The following PDZRN3 variants were observed in gnomAD, a reference collection of about 807,000 sequenced individuals.
The protein encoded by PDZRN3 is E3 ubiquitin-protein ligase PDZRN3.
Under a neutral mutation model 85.7 loss-of-function variants are expected in PDZRN3, and 38 were observed. That is an observed-to-expected ratio of 0.44 (90% CI 0.34 to 0.58). The LOEUF (loss-of-function observed/expected upper bound fraction) is 0.58, where lower values mean the gene tolerates loss of function less well. Ranked by LOEUF, PDZRN3 falls within the 20% of genes least tolerant of loss-of-function variation. The probability of loss-of-function intolerance (pLI) is 0.01; values close to 1 mark genes in which losing one functional copy is unlikely to be tolerated. For missense variants in PDZRN3, 1,629 were observed against 1,506.4 expected (o/e 1.08, Z -1.35); for synonymous variants, 759 against 638.0 (o/e 1.19, Z -2.86).
intron 3 of PDZRN3, among the ~76,000 whole-genome samples, chr3:73,540,477 G>A (rs1691459354): frequency 6.6e-6 from 1 of 152,134 alleles, no homozygotes; most frequent in Non-Finnish European, 1.5e-5. Context: ...TTAAATTATG[G>A]TTCCCATCAT....
intron 3 of PDZRN3, among the ~76,000 whole-genome samples, chr3:73,447,999 A>C (rs910713937): frequency 1.3e-5 from 2 of 152,230 alleles, no homozygotes; most frequent in Admixed American, 6.5e-5. Flanking sequence ...TAAGGATCAT[A>C]TCTAGCACAC....
At chr3:73,390,906 T>G (rs1189913141) in intron 6 of PDZRN3, 112 bp downstream of exon 6, 1 of 700,742 alleles carries the variant, frequency 1.4e-6, no homozygotes, top group African/African-American at 1.8e-5. Flanking sequence ...ACAGAATAAT[T>G]TGTGTCTTTC....
chr3:73,445,255 G>T (rs968548479), intron 3 of PDZRN3, among the ~76,000 whole-genome samples: 4 of 152,144 alleles, frequency 2.6e-5, no homozygotes, highest in South Asian at 2.1e-4. Flanking sequence ...ACATGCCCTC[G>T]TAGTAGATGG....
chr3:73,624,120 C>A lies in PDZRN3; in HGVS notation c.706G>T (p.Ala236Ser), dbSNP rs1702919874. The A allele has an allele frequency of 6.8e-7, 1 of 1,465,802 alleles. No homozygotes were observed. The highest frequency in any genetic ancestry group is 3.0e-5 in the East Asian group (1 of 33,744). The allele number at this position is 1,465,802 out of a possible 1,614,324, so 90.8% of individuals were successfully genotyped here. A position where few individuals can be genotyped will look rare whatever the true frequency, so the allele number is the denominator to read the frequency against. Residue 236 changes from alanine (A) to serine (S), a missense_variant, in exon 1 of 10, where the codon GCG becomes TCG. Physicochemically the swap from Ala to Ser is moderately conservative, Grantham distance 99. Coordinates refer to ENST00000263666, the MANE Select transcript of PDZRN3 (RefSeq NM_015009.3). The stretch of plus-strand genomic sequence containing the variant: ...GCGCCTACCTTGCCGCCGGGCGGCG[C>A]GGCCACGCAGCGGCTGAGCGAGTCG... ...RLDSLSRCVAAPPGGKGEETK... is the reference protein window; with the variant it reads ...RLDSLSRCVASPPGGKGEETK...
chr3:73,624,417 G>C lies in PDZRN3; in HGVS notation c.409C>G (p.Arg137Gly), dbSNP rs1393954953. 5.4e-6 allele frequency: 7 copies of C among 1,300,662 alleles called. No individual in the cohort carries two copies. In the African/African-American group the frequency reaches 7.8e-5, roughly 14 times the overall value. The allele number at this position is 1,300,662 out of a possible 1,614,324, so 80.6% of individuals were successfully genotyped here. Residue 137 changes from arginine to glycine, a missense_variant, in exon 1 of 10, where the codon CGG (arginine) becomes GGG (glycine). Coordinates refer to ENST00000263666, the MANE Select transcript of PDZRN3 (RefSeq NM_015009.3). ...CCCTCCTGGCAGCGGCCCACTGGCC[G>C]CGCGTCGCAGGCGTCGCGCATGTGC... ...EAHMRDACDA[R>G]PVGRCQEGCG...
intron 3 of PDZRN3, among the ~76,000 whole-genome samples, chr3:73,475,749 G>A (rs1277780429): frequency 6.6e-6 from 1 of 152,184 alleles, no homozygotes; most frequent in African/African-American, 2.4e-5. Flanking sequence ...ACTGTAAGAT[G>A]AGCCATGCCC....
chr3:73,399,311 CTGTT>C (rs1028505152), intron 5 of PDZRN3, among the ~76,000 whole-genome samples: 6 of 152,170 alleles, frequency 3.9e-5, no homozygotes, highest in Non-Finnish European at 8.8e-5. Flanking sequence ...AAATAGCCCT[CTGTT>C]TGGAGAGCAG....
chr3:73,530,977 G>T (rs376242146), intron 3 of PDZRN3, among the ~76,000 whole-genome samples: 3 of 152,026 alleles, frequency 2.0e-5, no homozygotes. Context: ...CTGGCCAGGC[G>T]TGGTGGCTCA....
chr3:73,515,803 T>G (rs2106717452), intron 3 of PDZRN3, among the ~76,000 whole-genome samples: 1 of 152,328 alleles, frequency 6.6e-6, no homozygotes, highest in South Asian at 2.1e-4. Flanking sequence ...TTCAATCAAA[T>G]TTTAATTTAA....
At chr3:73,540,409 T>C (rs1323189292) in intron 3 of PDZRN3, among the ~76,000 whole-genome samples, 1 of 152,194 alleles carries the variant, frequency 6.6e-6, no homozygotes, top group Admixed American at 6.6e-5. Context: ...ATTGGACATA[T>C]GTAGTATTTT....
chr3:73,443,841 T>C (rs907679173), intron 3 of PDZRN3, among the ~76,000 whole-genome samples: 7 of 152,112 alleles, frequency 4.6e-5, no homozygotes, highest in Non-Finnish European at 8.8e-5. Flanking sequence ...TAAAGTACTT[T>C]TGAAATAAAA....
Position 73,624,285 on chromosome 3 carries a change from G to A in PDZRN3, c.541C>T (p.His181Tyr). The change falls in exon 1 of 10, where the codon CAC (histidine) becomes TAC (tyrosine). Residue 181 changes from histidine to tyrosine, a missense_variant. Transcript: ENST00000263666. ...GALQARLGALHKALKKEALRA... is the reference protein window; with the variant it reads ...GALQARLGALYKALKKEALRA... ...AGCGCCTCCTTCTTGAGCGCCTTGT[G>A]CAGCGCGCCCAGGCGGGCCTGGAGC... is the stretch of plus-strand genomic sequence containing the variant. 7.3e-7 allele frequency: 1 copy of A among 1,378,708 alleles called. No homozygotes were observed. The highest frequency in any genetic ancestry group is 9.3e-7 in the Non-Finnish European group (1 of 1,074,556). The allele number at this position is 1,378,708 out of a possible 1,614,324, so 85.4% of individuals were successfully genotyped here. A position where few individuals can be genotyped will look rare whatever the true frequency, so the allele number is the denominator to read the frequency against.
intron 3 of PDZRN3, among the ~76,000 whole-genome samples, chr3:73,434,386 TATA>T (rs1181942225): frequency 1.3e-5 from 2 of 152,342 alleles, no homozygotes; most frequent in African/African-American, 4.8e-5. Context: ...ATAATGTTCA[TATA>T]ATATTTAGTG....
At position 73,513,025 on chromosome 3, in the gene PDZRN3, C is replaced by A. The variant is rs2241513; in HGVS notation, c.918+89329G>T. On this transcript the variant is annotated intron_variant, in intron 3 of 9. Transcript: ENST00000263666. ...CACACACACACAAAGAAGAAAGAAT[C>A]GGGTACCAAGGGCCAGTTCCCAGGT... 1.9e-3 allele frequency among the ~76,000 whole-genome samples: 289 copies of A among 152,146 alleles called. 4 individuals carry two copies. The East Asian group carries it at 0.034, about 18-fold the overall frequency.
intron 3 of PDZRN3, among the ~76,000 whole-genome samples, chr3:73,580,371 A>G (rs1370970297): frequency 6.6e-6 from 1 of 152,214 alleles, no homozygotes; most frequent in East Asian, 1.9e-4. Context: ...AAAGAATCTG[A>G]GCTGAGAGAT....
At chr3:73,502,813 T>C (rs1704006077) in intron 3 of PDZRN3, among the ~76,000 whole-genome samples, 1 of 152,196 alleles carries the variant, frequency 6.6e-6, no homozygotes, top group African/African-American at 2.4e-5. Context: ...CCTGGTATCA[T>C]TGAGACTGCA....
At chr3:73,425,701 C>T (rs1405660327) in intron 3 of PDZRN3, among the ~76,000 whole-genome samples, 2 of 151,952 alleles carry the variant, frequency 1.3e-5, no homozygotes, top group Non-Finnish European at 2.9e-5. Context: ...CGCAGACAGA[C>T]TCATTTAGGG....
At chr3:73,607,494 C>T (rs954001765) in intron 2 of PDZRN3, among the ~76,000 whole-genome samples, 1 of 152,162 alleles carries the variant, frequency 6.6e-6, no homozygotes, top group African/African-American at 2.4e-5. Context: ...GTGCTATGCT[C>T]TCCCAACTCA....
At chr3:73,537,814 C>T (rs946371482) in intron 3 of PDZRN3, among the ~76,000 whole-genome samples, 3 of 147,292 alleles carry the variant, frequency 2.0e-5, no homozygotes, top group East Asian at 2.0e-4. Flanking sequence ...TAAGTAAAGA[C>T]GGGGTTTCAC....
Sources: gnomAD v4.1 joint callset for allele counts (sites outside exome capture counted in the v4.1 genomes callset) on GRCh38, gnomAD v4.1.1 for gene constraint, MANE v1.5 for transcripts, NCBI Gene and HGNC (gene_info 2026-07-23, HGNC 2026-07-21) for gene names.